The following EHMT1 variants were observed in gnomAD, a reference collection of about 807,000 sequenced individuals.
EHMT1 encodes the protein euchromatic histone lysine methyltransferase 1.
Under a neutral mutation model 147.2 loss-of-function variants are expected in EHMT1, and 15 were observed. The observed-to-expected ratio is 0.10, with a 90% CI of 0.07 to 0.16. The LOEUF (loss-of-function observed/expected upper bound fraction) is 0.16. EHMT1 is among the 10% of genes least tolerant of loss of function. EHMT1 has a pLI of 1.00. For missense variants in EHMT1, 1,587 were observed against 1,772.4 expected (o/e 0.90, Z 1.88); for synonymous variants, 795 against 709.6 (o/e 1.12, Z -1.91).
chr9:137,834,100 A>ACCACCCCCACC, intron 25 of EHMT1: 1 of 585,128 alleles, frequency 1.7e-6, no homozygotes, highest in South Asian at 2.0e-5. Flanking sequence ...AACGGCCCGC[A>ACCACCCCCACC]CCACCCCCAC....
chr9:137,821,830 T>C (rs944418628), intron 25 of EHMT1, among the ~76,000 whole-genome samples: 1 of 152,226 alleles, frequency 6.6e-6, no homozygotes, highest in Non-Finnish European at 1.5e-5. Flanking sequence ...GTTAGATCTT[T>C]CTTAATTACC....
intron 1 of EHMT1, among the ~76,000 whole-genome samples, chr9:137,635,460 C>T (rs951079854): frequency 4.0e-5 from 6 of 151,664 alleles, no homozygotes; most frequent in Non-Finnish European, 7.4e-5. Context: ...CGTGATTCGC[C>T]CTCCTTGGCC....
intron 4 of EHMT1, among the ~76,000 whole-genome samples, chr9:137,729,424 T>C (rs904543249): frequency 6.6e-6 from 1 of 151,992 alleles, no homozygotes; most frequent in Non-Finnish European, 1.5e-5. Flanking sequence ...CCGTCTATAC[T>C]AAAAATAAAA....
At chr9:137,631,849 G>A (rs1211957973) in intron 1 of EHMT1, among the ~76,000 whole-genome samples, 1 of 152,170 alleles carries the variant, frequency 6.6e-6, no homozygotes, top group East Asian at 1.9e-4. Flanking sequence ...CTGCACTTCA[G>A]TCTGGGCAGC....
intron 1 of EHMT1, among the ~76,000 whole-genome samples, chr9:137,663,890 T>G (rs1939348311): frequency 1.3e-5 from 2 of 152,188 alleles, no homozygotes; most frequent in Non-Finnish European, 2.9e-5. Flanking sequence ...ATCTGTAGAG[T>G]AAGCTACACA....
At chr9:137,831,441 T>C (rs2133083590) in intron 25 of EHMT1, among the ~76,000 whole-genome samples, 2 of 152,344 alleles carry the variant, frequency 1.3e-5, no homozygotes, top group Admixed American at 1.3e-4. Context: ...TCTCAAATAA[T>C]GTTGCGTACA....
At chr9:137,725,789 G>A (rs1484102049) in intron 3 of EHMT1, among the ~76,000 whole-genome samples, 1 of 152,124 alleles carries the variant, frequency 6.6e-6, no homozygotes, top group African/African-American at 2.4e-5. Flanking sequence ...CCGTGAGGCC[G>A]TGAGAGCCAG....
At chr9:137,780,522 G>C (rs562848094) in intron 14 of EHMT1, among the ~76,000 whole-genome samples, 1 of 136,906 alleles carries the variant, frequency 7.3e-6, no homozygotes, top group Non-Finnish European at 1.5e-5. Flanking sequence ...ATGACGCTGG[G>C]ATGTGTGGTG....
chr9:137,695,179 C>T (rs761747238), intron 1 of EHMT1, among the ~76,000 whole-genome samples: 2 of 152,220 alleles, frequency 1.3e-5, no homozygotes, highest in Non-Finnish European at 2.9e-5. Context: ...CCCCTCGGCA[C>T]GTGTTTCTTC....
At chr9:137,721,013 GCGTCCTCGCC>G (rs1945901343) in intron 3 of EHMT1, among the ~76,000 whole-genome samples, 1 of 77,472 alleles carries the variant, frequency 1.3e-5, no homozygotes, top group Non-Finnish European at 3.5e-5. Context: ...CTCCTCGCCG[GCGTCCTCGCC>G]AGCGTTAGCT....
intron 1 of EHMT1, among the ~76,000 whole-genome samples, chr9:137,630,550 A>G (rs1843562860): frequency 6.6e-6 from 1 of 152,206 alleles, no homozygotes; most frequent in Non-Finnish European, 1.5e-5. Flanking sequence ...TTAGAAATCA[A>G]ACCTAGAAAC....
At chr9:137,754,024 C>A in intron 7 of EHMT1, 147 bp from the exon 8 acceptor site, 2 of 1,379,424 alleles carry the variant, frequency 1.4e-6, no homozygotes, top group South Asian at 1.2e-5. Flanking sequence ...TGTGACCCAG[C>A]AAAATGTCTA....
chr9:137,814,359 G>T, intron 21 of EHMT1, 72 bp from the exon 22 acceptor site: 2 of 1,500,670 alleles, frequency 1.3e-6, no homozygotes, highest in South Asian at 2.2e-5. Context: ...ACTGGAAGAC[G>T]TAGTTGTGAC....
intron 1 of EHMT1, among the ~76,000 whole-genome samples, chr9:137,669,300 A>T: frequency 1.5e-5 from 1 of 68,180 alleles, no homozygotes; most frequent in Non-Finnish European, 3.0e-5. Flanking sequence ...TAAAGAGCAG[A>T]CTGAGGACCC....
At chr9:137,730,026 T>C (rs571746323) in intron 4 of EHMT1, among the ~76,000 whole-genome samples, 1 of 152,344 alleles carries the variant, frequency 6.6e-6, no homozygotes, top group African/African-American at 2.4e-5. Context: ...TTCTCAGCCT[T>C]CTTTGTCTTT....
intron 1 of EHMT1, among the ~76,000 whole-genome samples, chr9:137,620,225 A>G (rs924426238): frequency 6.6e-6 from 1 of 152,188 alleles, no homozygotes; most frequent in Non-Finnish European, 1.5e-5. Flanking sequence ...CACTGAGAAC[A>G]AAAAGCGAAA....
At chr9:137,682,195 A>G (rs570497055) in intron 1 of EHMT1, among the ~76,000 whole-genome samples, 30 of 151,748 alleles carry the variant, frequency 2.0e-4, no homozygotes, top group African/African-American at 7.3e-4. Flanking sequence ...TGATCCGCCC[A>G]CCTCAGCCTC....
At chr9:137,771,699 G>A (rs548806808) in intron 10 of EHMT1, among the ~76,000 whole-genome samples, 2 of 152,222 alleles carry the variant, frequency 1.3e-5, no homozygotes, top group South Asian at 2.1e-4. Context: ...GTGGCGGGGC[G>A]TTTTGGCTAC....
chr9:137,817,759 G>T, intron 24 of EHMT1: 1 of 636,730 alleles, frequency 1.6e-6, no homozygotes. Context: ...GGTCCAGTTA[G>T]GAAGGCGTGG....
Sources: allele counts gnomAD v4.1 joint callset (sites outside exome capture counted in the v4.1 genomes callset), GRCh38; gene constraint gnomAD v4.1.1; transcripts MANE v1.5; gene names NCBI Gene and HGNC (gene_info 2026-07-23, HGNC 2026-07-21).